Variants in DOCK4 observed in about 807,000 individuals in gnomAD.
DOCK4 encodes dedicator of cytokinesis protein 4.
A neutral mutation model predicts 268.1 loss-of-function variants in DOCK4; 97 were observed. That is an observed-to-expected ratio of 0.36 (90% CI 0.31 to 0.43). The LOEUF is 0.43. DOCK4 is among the 20% of genes least tolerant of loss of function. DOCK4 has a pLI of 1.00. For synonymous variants in DOCK4, 954 were observed against 887.2 expected (o/e 1.08, Z -1.34); for missense variants, 2,145 against 2,455.7 (o/e 0.87, Z 2.67).
chr7:111,931,218 G>A (rs1329884294), intron 12 of DOCK4, among the ~76,000 whole-genome samples: 1 of 152,194 alleles, frequency 6.6e-6, no homozygotes, highest in Admixed American at 6.5e-5. Context: ...ACAGCAGGCT[G>A]CAAAATGGGA....
intron 1 of DOCK4, among the ~76,000 whole-genome samples, chr7:112,138,498 A>C (rs2116235055): frequency 6.6e-6 from 1 of 152,350 alleles, no homozygotes; most frequent in Admixed American, 6.5e-5. Context: ...AGAAATTTTT[A>C]CAATTTACAT....
intron 1 of DOCK4, among the ~76,000 whole-genome samples, chr7:112,102,562 T>C (rs1439311066): frequency 1.3e-5 from 2 of 152,326 alleles, no homozygotes; most frequent in East Asian, 3.9e-4. Flanking sequence ...ATGAGATGAA[T>C]GCTCTTTAAA....
intron 1 of DOCK4, among the ~76,000 whole-genome samples, chr7:112,040,968 C>T (rs751288133): frequency 6.6e-6 from 1 of 151,896 alleles, no homozygotes; most frequent in Non-Finnish European, 1.5e-5. Context: ...CTCTGGATGA[C>T]GGATTTAGAG....
chr7:112,146,850 C>T (rs2560644), intron 1 of DOCK4, among the ~76,000 whole-genome samples: 136,836 of 152,182 alleles, frequency 0.9, 61,806 homozygotes, highest in South Asian at 0.94. Context: ...ATAATTTAGA[C>T]GAGTGTAACA....
intron 1 of DOCK4, among the ~76,000 whole-genome samples, chr7:112,165,918 C>T (rs954973990): frequency 6.6e-6 from 1 of 152,092 alleles, no homozygotes; most frequent in Non-Finnish European, 1.5e-5. Flanking sequence ...CCCTCGCCCC[C>T]TCCAAATAAC....
At chr7:112,159,791 T>C (rs1050717567) in intron 1 of DOCK4, among the ~76,000 whole-genome samples, 18 of 146,532 alleles carry the variant, frequency 1.2e-4, no homozygotes, top group Non-Finnish European at 1.5e-4. Context: ...AAAACAAGCA[T>C]TTTGTATTAT....
chr7:111,873,221 C>T (rs1013633007), intron 17 of DOCK4, among the ~76,000 whole-genome samples: 3 of 152,224 alleles, frequency 2.0e-5, no homozygotes, highest in Admixed American at 6.5e-5. Flanking sequence ...AGCTCTTTAA[C>T]CCTTTCCTAA....
intron 1 of DOCK4, among the ~76,000 whole-genome samples, chr7:112,118,422 T>G (rs1812379270): frequency 6.6e-6 from 1 of 152,146 alleles, no homozygotes; most frequent in South Asian, 2.1e-4. Context: ...AAGTAAGATT[T>G]CAGAGTAATT....
intron 1 of DOCK4, among the ~76,000 whole-genome samples, chr7:112,055,536 C>T (rs183736688): frequency 1.3e-5 from 2 of 152,130 alleles, no homozygotes; most frequent in Non-Finnish European, 2.9e-5. Flanking sequence ...TCTTCCCCAT[C>T]ATCATAAGCA....
intron 1 of DOCK4, among the ~76,000 whole-genome samples, chr7:112,188,680 G>A (rs111698591): frequency 1.8e-4 from 28 of 152,248 alleles, no homozygotes; most frequent in African/African-American, 6.5e-4. Flanking sequence ...AGCTCATTAG[G>A]AAAATCTAGG....
At chr7:111,851,776 T>C (rs988759626) in intron 23 of DOCK4, among the ~76,000 whole-genome samples, 1 of 152,132 alleles carries the variant, frequency 6.6e-6, no homozygotes, top group Non-Finnish European at 1.5e-5. Context: ...TTACGGATCA[T>C]ATTAGCTAGC....
At chr7:112,040,144 C>T (rs1465844797) in intron 1 of DOCK4, among the ~76,000 whole-genome samples, 3 of 152,046 alleles carry the variant, frequency 2.0e-5, no homozygotes, top group Non-Finnish European at 4.4e-5. Context: ...TATTAAACAA[C>T]AAAAAGCAAT....
intron 1 of DOCK4, among the ~76,000 whole-genome samples, chr7:112,190,568 T>C (rs1189321426): frequency 6.6e-6 from 1 of 151,812 alleles, no homozygotes; most frequent in African/African-American, 2.4e-5. Flanking sequence ...GGACAGCGTA[T>C]GAGAGAAAGA....
At chr7:111,778,457 G>T in intron 35 of DOCK4, 88 bp from the exon 36 acceptor site, 1 of 737,398 alleles carries the variant, frequency 1.4e-6, no homozygotes. Context: ...TTCCATGTCT[G>T]GAGCCAAGAG....
intron 13 of DOCK4, among the ~76,000 whole-genome samples, chr7:111,902,098 T>C (rs1476528205): frequency 6.6e-6 from 1 of 152,186 alleles, no homozygotes; most frequent in Non-Finnish European, 1.5e-5. Context: ...ATTTCCCTCA[T>C]TTTATTTATG....
rs751183443 is a variant in DOCK4, at chr7:111,736,988, C to G, written c.5234G>C (p.Arg1745Thr). 15 of 1,602,238 alleles carry G rather than the reference C, an allele frequency of 9.4e-6. No homozygotes were observed. The highest frequency in any genetic ancestry group is 1.7e-5 in the Admixed American group (1 of 58,292). The change falls in exon 50 of 53, where the codon AGG (arginine) becomes ACG (threonine). Residue 1745 changes from arginine (R) to threonine (T), a missense_variant and splice_region_variant. Coordinates refer to ENST00000428084, the MANE Select transcript of DOCK4 (RefSeq NM_001363540.2). ...GTCTCCAATATGATTAAACAGCATCCTCTGCAAAGTTACAAGGGTTGATTT... is the reference window on the plus strand; with the variant it reads ...GTCTCCAATATGATTAAACAGCATCGTCTGCAAAGTTACAAGGGTTGATTT... ...IYPTPVEPSQ[R>T]MLFNHIGDGA...
chr7:111,736,511 C>A (rs1795489284), intron 50 of DOCK4, among the ~76,000 whole-genome samples: 2 of 152,132 alleles, frequency 1.3e-5, no homozygotes, highest in South Asian at 4.1e-4. Context: ...TCACAACAAA[C>A]AACACATGAG....
chr7:111,781,331 C>T (rs965270490), intron 35 of DOCK4, among the ~76,000 whole-genome samples: 9 of 152,086 alleles, frequency 5.9e-5, no homozygotes, highest in Non-Finnish European at 8.8e-5. Flanking sequence ...CATACAAGCA[C>T]GAATGTGGGA....
At chr7:111,944,444 A>G (rs144790341) in intron 10 of DOCK4, among the ~76,000 whole-genome samples, 68 of 152,328 alleles carry the variant, frequency 4.5e-4, no homozygotes, top group African/African-American at 1.5e-3. Context: ...CAGAGCCTTC[A>G]TTAACTTATA....
Sources: allele counts gnomAD v4.1 joint callset (sites outside exome capture counted in the v4.1 genomes callset), GRCh38; gene constraint gnomAD v4.1.1; transcripts MANE v1.5; gene names NCBI Gene and HGNC (gene_info 2026-07-23, HGNC 2026-07-21).